ADAMTS6: variants seen among roughly 807,000 people sequenced by gnomAD.
ADAMTS6 encodes the protein A disintegrin and metalloproteinase with thrombospondin motifs 6.
Under a neutral mutation model 144.3 loss-of-function variants are expected in ADAMTS6, and 23 were observed. The ratio of observed to expected loss-of-function variants is 0.16; its 90% CI spans 0.11 to 0.23. The LOEUF (loss-of-function observed/expected upper bound fraction) is 0.23, where lower values mean the gene tolerates loss of function less well. Among genes scored for constraint, ADAMTS6 ranks in the 10% least tolerant of loss-of-function variants. The pLI, the probability that ADAMTS6 is intolerant of heterozygous loss-of-function variation, is 1.00. For missense variants in ADAMTS6, 999 were observed against 1,379.6 expected (o/e 0.72, Z 4.37); for synonymous variants, 444 against 457.5 (o/e 0.97, Z 0.38).
At chr5:65,320,756 T>A (rs1745538070) in intron 9 of ADAMTS6, among the ~76,000 whole-genome samples, 1 of 152,208 alleles carries the variant, frequency 6.6e-6, no homozygotes, top group Non-Finnish European at 1.5e-5. Context: ...TGTGTCCATA[T>A]GTTCTCATAA....
At chr5:65,336,727 T>C (rs1347201314) in intron 7 of ADAMTS6, among the ~76,000 whole-genome samples, 1 of 152,118 alleles carries the variant, frequency 6.6e-6, no homozygotes, top group African/African-American at 2.4e-5. Flanking sequence ...CTGCTTATTT[T>C]ACAGATATTT....
intron 7 of ADAMTS6, among the ~76,000 whole-genome samples, chr5:65,405,211 G>A (rs191619124): frequency 1.2e-4 from 19 of 152,298 alleles, no homozygotes; most frequent in African/African-American, 4.6e-4. Flanking sequence ...TAGACATGAA[G>A]TCCTTGCCTA....
chr5:65,473,538 A>G (rs764328426), intron 2 of ADAMTS6, 39 bp downstream of exon 2: 4 of 1,511,146 alleles, frequency 2.6e-6, no homozygotes. Context: ...TCCAATTAAT[A>G]GCAATATTTT....
At chr5:65,359,654 C>A (rs1441667620) in intron 7 of ADAMTS6, among the ~76,000 whole-genome samples, 2 of 152,118 alleles carry the variant, frequency 1.3e-5, no homozygotes, top group African/African-American at 4.8e-5. Context: ...AAACATTCTA[C>A]ATAAACACAA....
chr5:65,195,255 A>C (rs1401408190), intron 21 of ADAMTS6, among the ~76,000 whole-genome samples: 2 of 152,208 alleles, frequency 1.3e-5, no homozygotes, highest in South Asian at 2.1e-4. Flanking sequence ...AAATTTATAA[A>C]AATAATTGGC....
chr5:65,200,283 C>G (rs1338380326), intron 20 of ADAMTS6, among the ~76,000 whole-genome samples: 1 of 152,030 alleles, frequency 6.6e-6, no homozygotes, highest in African/African-American at 2.4e-5. Context: ...TAAACACATA[C>G]TTTTGAATTA....
At chr5:65,160,473 A>AT (rs1184923813) in intron 24 of ADAMTS6, among the ~76,000 whole-genome samples, 2 of 151,252 alleles carry the variant, frequency 1.3e-5, no homozygotes, top group African/African-American at 2.4e-5. Flanking sequence ...CGCCCGGCTA[A>AT]TTTTTTGTTT....
chr5:65,285,074 ACAGATCACTTTATAAAAGCCTTTAAT>A (rs1763261486), intron 11 of ADAMTS6, among the ~76,000 whole-genome samples: 1 of 152,210 alleles, frequency 6.6e-6, no homozygotes, highest in South Asian at 2.1e-4. Context: ...AGAGGACACC[ACAGATCACTTTATAAAAGCCTTTAAT>A]TTTCTAACAT....
intron 9 of ADAMTS6, among the ~76,000 whole-genome samples, chr5:65,301,609 TC>T (rs1743379850): frequency 6.6e-6 from 1 of 152,120 alleles, no homozygotes; most frequent in South Asian, 2.1e-4. Flanking sequence ...ATGGTGGAGA[TC>T]CTGAAGTAGG....
At chr5:65,248,720 G>A (rs1759869489) in intron 14 of ADAMTS6, among the ~76,000 whole-genome samples, 2 of 152,162 alleles carry the variant, frequency 1.3e-5, no homozygotes, top group South Asian at 2.1e-4. Context: ...CTGGGTGGCA[G>A]AGGTTGCAGT....
chr5:65,418,087 G>A (rs181942959), intron 7 of ADAMTS6, among the ~76,000 whole-genome samples: 31 of 152,020 alleles, frequency 2.0e-4, no homozygotes, highest in Admixed American at 5.9e-4. Flanking sequence ...CCACCTGATC[G>A]TCAACAAAAT....
chr5:65,363,938 T>A (rs1027401516), intron 7 of ADAMTS6, among the ~76,000 whole-genome samples: 2 of 152,142 alleles, frequency 1.3e-5, no homozygotes, highest in African/African-American at 4.8e-5. Context: ...TTAAAGATAA[T>A]CCCAGGATAT....
At chr5:65,406,806 A>G (rs770440108) in intron 7 of ADAMTS6, among the ~76,000 whole-genome samples, 89 of 152,068 alleles carry the variant, frequency 5.9e-4, no homozygotes, top group African/African-American at 2.0e-3. Context: ...TTATTTTGAG[A>G]TACGTCCCAT....
chr5:65,411,233 T>C (rs1351218398), intron 7 of ADAMTS6, among the ~76,000 whole-genome samples: 1 of 152,196 alleles, frequency 6.6e-6, no homozygotes, highest in African/African-American at 2.4e-5. Flanking sequence ...TTTGATTTGC[T>C]GTGCTGCAGT....
chr5:65,295,134 AT>A (rs1408170911), intron 10 of ADAMTS6, among the ~76,000 whole-genome samples: 2 of 152,074 alleles, frequency 1.3e-5, no homozygotes, highest in Non-Finnish European at 2.9e-5. Flanking sequence ...CATCTGGATT[AT>A]TTCCAATTTC....
At chr5:65,196,978 T>C in intron 21 of ADAMTS6, 44 bp downstream of exon 21, 3 of 1,593,092 alleles carry the variant, frequency 1.9e-6, no homozygotes, top group Non-Finnish European at 2.6e-6. Flanking sequence ...TGTTTTTCTC[T>C]TTGCACCTGA....
At chr5:65,441,597 C>T (rs1012345277) in intron 7 of ADAMTS6, among the ~76,000 whole-genome samples, 1 of 152,106 alleles carries the variant, frequency 6.6e-6, no homozygotes, top group Non-Finnish European at 1.5e-5. Flanking sequence ...ATAGAAAATT[C>T]GATCCAACAA....
intron 15 of ADAMTS6, among the ~76,000 whole-genome samples, chr5:65,240,159 T>C (rs189896651): frequency 6.6e-6 from 1 of 151,746 alleles, no homozygotes; most frequent in Admixed American, 6.6e-5. Context: ...TGCTCAGCAA[T>C]AAAAAAGAAT....
In ADAMTS6 at chr5:65,240,833, A is replaced by C. The variant is rs79675994; in HGVS notation, c.1933+1271T>G. ...AAGGCAAAGATTAGAGGAATTTTGGAGGTAAAGCCAATGTTCTGTATCTCA... is the reference window on the plus strand; with the variant it reads ...AAGGCAAAGATTAGAGGAATTTTGGCGGTAAAGCCAATGTTCTGTATCTCA... On this transcript the variant is annotated intron_variant, in intron 15 of 24. Transcript: ENST00000381055. Among the ~76,000 whole-genome samples, 414 of 152,298 alleles carry C rather than the reference A, an allele frequency of 2.7e-3. 1 individual carries two copies. Among genetic ancestry groups the C allele is most frequent in the African/African-American group, 8.3e-3 (347 of 41,562 alleles).
Sources: gnomAD v4.1 joint callset for allele counts (sites outside exome capture counted in the v4.1 genomes callset) on GRCh38, gnomAD v4.1.1 for gene constraint, MANE v1.5 for transcripts, NCBI Gene and HGNC (gene_info 2026-07-23, HGNC 2026-07-21) for gene names.